Variants in CEBPE observed in about 807,000 individuals in gnomAD.
The protein encoded by CEBPE is CCAAT enhancer binding protein epsilon, also known as CCAAT/enhancer-binding protein epsilon.
A neutral mutation model predicts 20.4 loss-of-function variants in CEBPE; 10 were observed. That is an observed-to-expected ratio of 0.49 (90% CI 0.30 to 0.83). CEBPE has a LOEUF of 0.83. Ranked by LOEUF, CEBPE falls within the 40% of genes least tolerant of loss-of-function variation. The pLI, the probability that CEBPE is intolerant of heterozygous loss-of-function variation, is 0.06. For synonymous variants in CEBPE, 179 were observed against 162.6 expected, an observed-to-expected ratio of 1.10 and a Z score of -0.77; for missense variants, 389 against 383.3, an observed-to-expected ratio of 1.01 and a Z score of -0.12.
In CEBPE at chr14:23,117,795, A is replaced by AG. The variant is rs764908366; in HGVS notation, c.537dup (p.Cys180LeufsTer25). 6.2e-7 allele frequency: 1 copy of AG among 1,608,502 alleles called. No individual in the cohort carries two copies. ...GAGGGCGCCTTCAGGAGGGGACTGC[A>AG]GGGGGGTGCGGCAGTGGCCAAAGGG... On this transcript the variant is annotated frameshift_variant, in exon 2 of 2. Coordinates refer to ENST00000206513, the MANE Select transcript of CEBPE (RefSeq NM_001805.4). LOFTEE classifies it high-confidence loss of function.
chr14:23,119,043 G>A lies in CEBPE; in HGVS notation c.49C>T (p.Pro17Ser), dbSNP rs755622138. The A allele has an allele frequency of 6.2e-7, 1 of 1,611,750 alleles. No homozygotes were observed. The highest frequency in any genetic ancestry group is 8.5e-7 in the Non-Finnish European group (1 of 1,179,620). Residue 17 changes from proline (P) to serine (S), a missense_variant, in exon 1 of 2, where the codon CCA becomes TCA. Transcript: ENST00000206513. ...YECEPRGGQQPLEFSGGRAGP... is the reference protein window; with the variant it reads ...YECEPRGGQQSLEFSGGRAGP... ...GCTCGGCCCCCTGAGAACTCGAGTG[G>A]CTGCTGGCCACCCCGGGGCTCACAC... is the stretch of plus-strand genomic sequence containing the variant.
chr14:23,118,752 C>G lies in CEBPE; in HGVS notation c.340G>C (p.Asp114His). 1 of 1,613,164 alleles carries G rather than the reference C, an allele frequency of 6.2e-7. No individual in the cohort carries two copies. The highest frequency in any genetic ancestry group is 8.5e-7 in the Non-Finnish European group (1 of 1,179,634). Reference protein sequence around the residue: ...PGIYSSPGSYDPRAVAVKEEP... With the variant: ...PGIYSSPGSYHPRAVAVKEEP... ...TCCTTCACCGCCACAGCCCTGGGGT[C>G]GTAGCTCCCTGGGCTGCTGTAGATG... Residue 114 changes from aspartate (D) to histidine (H), a missense_variant, in exon 1 of 2, where the codon GAC becomes CAC. Around this residue, in one of 3 missense-constraint regions of CEBPE, gnomAD observed 294 missense variants for 279.7 expected, o/e 1.05. Transcript: ENST00000206513. This position sits in a 1 kb window ranked among gnomAD's most constrained non-coding sequence, Gnocchi z 5.5.
In CEBPE at chr14:23,119,096, G is replaced by T; in HGVS notation, c.-5C>A. ...GTAGTAGGTCCCGTGGGACATGGCCGGCCCGCCCCCTCGGCTCCCCGCCCC... is the reference window on the plus strand; with the variant it reads ...GTAGTAGGTCCCGTGGGACATGGCCTGCCCGCCCCCTCGGCTCCCCGCCCC... On this transcript the variant is annotated 5_prime_UTR_variant, in exon 1 of 2. Coordinates refer to ENST00000206513, the MANE Select transcript of CEBPE (RefSeq NM_001805.4). The T allele has an allele frequency of 6.3e-7, 1 of 1,590,076 alleles. No individual in the cohort carries two copies.
Position 23,119,042 on chromosome 14 carries a change from G to T in CEBPE, c.50C>A (p.Pro17Gln). Residue 17 changes from proline to glutamine, a missense_variant, in exon 1 of 2, where the codon CCA becomes CAA. By Grantham distance (76) the Pro-to-Gln change is moderately conservative. Transcript: ENST00000206513. ...AGCTCGGCCCCCTGAGAACTCGAGT[G>T]GCTGCTGGCCACCCCGGGGCTCACA... is the stretch of plus-strand genomic sequence containing the variant. ...YECEPRGGQQ[P>Q]LEFSGGRAGP... 2 of 1,612,042 alleles carry T rather than the reference G, an allele frequency of 1.2e-6. No homozygotes were observed. The highest frequency in any genetic ancestry group is 1.7e-6 in the Non-Finnish European group (2 of 1,179,708).
Position 23,118,900 on chromosome 14 carries a change from A to G in CEBPE, c.192T>C (p.Pro64=). 1.9e-6 allele frequency: 3 copies of G among 1,614,052 alleles called. No homozygotes were observed. The highest frequency in any genetic ancestry group is 2.5e-6 in the Non-Finnish European group (3 of 1,179,976). ...CGGGGCCCTTGAGGCCTCTGGCCTC[A>G]GGCGCTGGCTTCACGGCAAAGAGAT... ...LSDLFAVKPA[P]EARGLKGPGT... The change falls in exon 1 of 2, where the codon CCT becomes CCC. Residue 64 remains proline (P), a synonymous_variant. Transcript: ENST00000206513. The surrounding 1 kb of genome is among the most constrained non-coding windows in gnomAD (Gnocchi z 5.5).
intron 1 of CEBPE, 35 bp from the exon 2 acceptor site, chr14:23,117,857 G>T: frequency 1.3e-6 from 2 of 1,541,642 alleles, no homozygotes; most frequent in South Asian, 1.2e-5. Context: ...GGAGAGGTGA[G>T]GGCTGGCCAG....
In CEBPE at chr14:23,117,540, G is replaced by C; in HGVS notation, c.793C>G (p.Arg265Gly). 6.2e-7 allele frequency: 1 copy of C among 1,613,918 alleles called. No individual in the cohort carries two copies. Among genetic ancestry groups the C allele is most frequent in the Non-Finnish European group, 8.5e-7 (1 of 1,180,010 alleles). ...QELDTLRNLF[R>G]QIPEAANLIK... ...AGGTTGGCCGCCTCAGGAATCTGGC[G>C]GAAGAGGTTGCGGAGGGTGTCTAGC... Residue 265 changes from arginine (R) to glycine (G), a missense_variant, in exon 2 of 2, where the codon CGC (arginine) becomes GGC (glycine). Transcript: ENST00000206513.
chr14:23,118,960 G>A lies in CEBPE; in HGVS notation c.132C>T (p.Ala44=), dbSNP rs1204032932. Reference sequence around the variant, plus strand: ...GCTGCTCTTCCCCAGACTCGATGTAGGCGGAGAGGTCAATGGAGGCCTCAT... The same window carrying A: ...GCTGCTCTTCCCCAGACTCGATGTAAGCGGAGAGGTCAATGGAGGCCTCAT... The part of the protein sequence containing the change: ...CEHEASIDLS[A]YIESGEEQLL... The change falls in exon 1 of 2, where the codon GCC becomes GCT. Residue 44 remains alanine, a synonymous_variant. Coordinates refer to ENST00000206513, the MANE Select transcript of CEBPE (RefSeq NM_001805.4). This position sits in a 1 kb window ranked among gnomAD's most constrained non-coding sequence, Gnocchi z 5.5. 1.2e-6 allele frequency: 2 copies of A among 1,613,998 alleles called. No individual in the cohort carries two copies. The highest frequency in any genetic ancestry group is 1.3e-5 in the African/African-American group (1 of 75,004).
chr14:23,118,469 T>C lies in CEBPE; in HGVS notation c.510+113A>G. 1 of 1,366,578 alleles carries C rather than the reference T, an allele frequency of 7.3e-7. No individual in the cohort carries two copies. Among genetic ancestry groups the C allele is most frequent in the Non-Finnish European group, 9.8e-7 (1 of 1,022,770 alleles). 84.7% of individuals were successfully genotyped at this position (1,366,578 alleles called of 1,614,324 possible). On this transcript the variant is annotated intron_variant, in intron 1 of 1. Transcript: ENST00000206513. The surrounding 1 kb of genome is among the most constrained non-coding windows in gnomAD (Gnocchi z 5.5). The stretch of plus-strand genomic sequence containing the variant: ...ACAGAGGACTGTGGGTTGGGTCCAT[T>C]TCACAGAGCGACACCAAGCACAGGC...
chr14:23,117,314 C>T lies in CEBPE; in HGVS notation c.*173G>A, dbSNP rs2048512587. The T allele has an allele frequency of 1.5e-6, 1 of 669,318 alleles. No individual in the cohort carries two copies. 41.5% of individuals were successfully genotyped at this position (669,318 alleles called of 1,614,324 possible). A position where few individuals can be genotyped will look rare whatever the true frequency, so the allele number is the denominator to read the frequency against. ...AGCCAACAGTCCCAACACCCAGTCA[C>T]AGTGCAACTTTATTCAGCCATATAA... On this transcript the variant is annotated 3_prime_UTR_variant, in exon 2 of 2. Transcript: ENST00000206513.
rs201106129 is a variant in CEBPE, at chr14:23,119,057, C to T, written c.35G>A (p.Arg12Gln). Residue 12 changes from arginine to glutamine, a missense_variant, in exon 1 of 2, where the codon CGG becomes CAG. Around this residue, in one of 3 missense-constraint regions of CEBPE, gnomAD observed 294 missense variants for 279.7 expected, o/e 1.05. Coordinates refer to ENST00000206513, the MANE Select transcript of CEBPE (RefSeq NM_001805.4). ...SHGTYYECEP[R>Q]GGQQPLEFSG... ...GAACTCGAGTGGCTGCTGGCCACCC[C>T]GGGGCTCACACTCGTAGTAGGTCCC... is the stretch of plus-strand genomic sequence containing the variant. 1.3e-4 allele frequency: 207 copies of T among 1,610,116 alleles called. No homozygotes were observed. The African/African-American group carries it at 2.3e-3, about 18-fold the overall frequency.
In CEBPE at chr14:23,118,781, G is replaced by C; in HGVS notation, c.311C>G (p.Pro104Arg). The change falls in exon 1 of 2, where the codon CCT becomes CGT. Residue 104 changes from proline to arginine, a missense_variant. This residue lies in a region of CEBPE where 294 missense variants were observed against 279.7 expected (regional missense o/e 1.05). Coordinates refer to ENST00000206513, the MANE Select transcript of CEBPE (RefSeq NM_001805.4). The surrounding 1 kb of genome is among the most constrained non-coding windows in gnomAD (Gnocchi z 5.5). ...GCTCCCTGGGCTGCTGTAGATGCCA[G>C]GCCCCAGCGCCTTCCTGTCTGGGCC... ...TFGPDRKALG[P>R]GIYSSPGSYD... is the part of the protein sequence containing the mutation. The C allele has an allele frequency of 1.9e-6, 3 of 1,612,858 alleles. No individual in the cohort carries two copies. Among genetic ancestry groups the C allele is most frequent in the Non-Finnish European group, 2.5e-6 (3 of 1,179,304 alleles).
rs768742384 is a variant in CEBPE, at chr14:23,117,604, G to A, written c.729C>T (p.Asn243=). The part of the protein sequence containing the change: ...QQKVLEYMAE[N]ERLRSRVEQL... ...GCTCCACGCGGCTGCGGAGGCGCTC[G>A]TTCTCTGCCATGTACTCCAGCACCT... The change falls in exon 2 of 2, where the codon AAC becomes AAT. Residue 243 remains asparagine, a synonymous_variant. Coordinates refer to ENST00000206513, the MANE Select transcript of CEBPE (RefSeq NM_001805.4). 3.1e-6 allele frequency: 5 copies of A among 1,613,996 alleles called. No homozygotes were observed. The highest frequency in any genetic ancestry group is 2.2e-5 in the South Asian group (2 of 91,092).
In CEBPE at chr14:23,118,118, C is replaced by T. The variant is rs1235728841; in HGVS notation, c.511-296G>A. Among the ~76,000 whole-genome samples, 2 of 152,060 alleles carry T rather than the reference C, an allele frequency of 1.3e-5. No individual in the cohort carries two copies. The highest frequency in any genetic ancestry group is 2.4e-5 in the African/African-American group (1 of 41,378). Reference sequence around the variant, plus strand: ...CTATGTTGTCCAGGCTGGTCTCCAACCCCTGGCCTTAAGCGAACCTCCTGC... The same window carrying T: ...CTATGTTGTCCAGGCTGGTCTCCAATCCCTGGCCTTAAGCGAACCTCCTGC... On this transcript the variant is annotated intron_variant, in intron 1 of 1. Coordinates refer to ENST00000206513, the MANE Select transcript of CEBPE (RefSeq NM_001805.4). The surrounding 1 kb of genome is among the most constrained non-coding windows in gnomAD (Gnocchi z 5.5).
chr14:23,119,102 C>G lies in CEBPE; in HGVS notation c.-11G>C, dbSNP rs941728989. 3.4e-5 allele frequency: 54 copies of G among 1,573,310 alleles called. No individual in the cohort carries two copies. Among genetic ancestry groups the G allele is most frequent in the Non-Finnish European group, 4.6e-5 (54 of 1,161,342 alleles). ...GGTCCCGTGGGACATGGCCGGCCCG[C>G]CCCCTCGGCTCCCCGCCCCCACCTG... On this transcript the variant is annotated 5_prime_UTR_variant, in exon 1 of 2. Coordinates refer to ENST00000206513, the MANE Select transcript of CEBPE (RefSeq NM_001805.4).
Position 23,117,832 on chromosome 14 carries a change from A to C in CEBPE, c.511-10T>G. Reference sequence around the variant, plus strand: ...CAGTGGCCAAAGGGGCCTGGAGGGGAAGGCACGGAGAGACGGAGAGGTGAG... The same window carrying C: ...CAGTGGCCAAAGGGGCCTGGAGGGGCAGGCACGGAGAGACGGAGAGGTGAG... On this transcript the variant is annotated splice_polypyrimidine_tract_variant and intron_variant, in intron 1 of 1. Coordinates refer to ENST00000206513, the MANE Select transcript of CEBPE (RefSeq NM_001805.4). The C allele has an allele frequency of 6.3e-7, 1 of 1,589,566 alleles. No individual in the cohort carries two copies. Among genetic ancestry groups the C allele is most frequent in the Non-Finnish European group, 8.6e-7 (1 of 1,167,656 alleles).
In CEBPE at chr14:23,117,491, C is replaced by T. The variant is rs149444043; in HGVS notation, c.842G>A (p.Ser281Asn). ...ANLIKGVGGC[S>N] ...CCCACAATCCACCAGCCAGCCTCAG[C>T]TGCAACCCCCCACGCCCTTGATGAG... The change falls in exon 2 of 2, where the codon AGC (serine) becomes AAC (asparagine). Residue 281 changes from serine (S) to asparagine (N), a missense_variant. By Grantham distance (46) the Ser-to-Asn change is conservative. Transcript: ENST00000206513. 1.2e-4 allele frequency: 197 copies of T among 1,611,224 alleles called. No homozygotes were observed. The African/African-American group carries it at 2.4e-3, about 20-fold the overall frequency.
Position 23,117,708 on chromosome 14 carries a change from G to C in CEBPE, c.625C>G (p.Leu209Val). ...AVNKDSLEYR[L>V]RRERNNIAVR... ...GCGATGTTGTTGCGCTCCCGCCTCA[G>C]CCGGTACTCAAGGCTATCTTTGTTC... The change falls in exon 2 of 2, where the codon CTG becomes GTG. Residue 209 changes from leucine (L) to valine (V), a missense_variant. By Grantham distance (32) the Leu-to-Val change is conservative (BLOSUM62 1). Coordinates refer to ENST00000206513, the MANE Select transcript of CEBPE (RefSeq NM_001805.4). 6.2e-7 allele frequency: 1 copy of C among 1,614,216 alleles called. No individual in the cohort carries two copies. The highest frequency in any genetic ancestry group is 1.1e-5 in the South Asian group (1 of 91,084).
In CEBPE at chr14:23,119,115, C is replaced by G. The variant is rs1217092234; in HGVS notation, c.-24G>C. On this transcript the variant is annotated 5_prime_UTR_variant, in exon 1 of 2. Coordinates refer to ENST00000206513, the MANE Select transcript of CEBPE (RefSeq NM_001805.4). The stretch of plus-strand genomic sequence containing the variant: ...ATGGCCGGCCCGCCCCCTCGGCTCC[C>G]CGCCCCCACCTGCTCTTGAGGCACC... The G allele has an allele frequency of 6.6e-7, 1 of 1,525,610 alleles. No individual in the cohort carries two copies. The highest frequency in any genetic ancestry group is 8.9e-7 in the Non-Finnish European group (1 of 1,126,214). The allele number at this position is 1,525,610 out of a possible 1,614,324, so 94.5% of individuals were successfully genotyped here.
Sources: allele counts gnomAD v4.1 joint callset (sites outside exome capture counted in the v4.1 genomes callset), GRCh38; gene constraint gnomAD v4.1.1; regional missense constraint gnomAD v4.1.1; non-coding constraint Gnocchi (gnomAD v3.1); transcripts MANE v1.5; gene names NCBI Gene and HGNC (gene_info 2026-07-23, HGNC 2026-07-21).